The following SLIT3 variants were observed in gnomAD, a reference collection of about 807,000 sequenced individuals.
SLIT3 encodes slit homolog 3 protein.
SLIT3 carries 68 observed loss-of-function variants against 184.0 expected under a neutral mutation model. The observed-to-expected ratio is 0.37, with a 90% CI of 0.30 to 0.45. SLIT3 has a LOEUF of 0.45. Ranked by LOEUF, SLIT3 falls within the 20% of genes least tolerant of loss-of-function variation. The probability of loss-of-function intolerance (pLI) is 1.00; values close to 1 mark genes in which losing one functional copy is unlikely to be tolerated. For synonymous variants in SLIT3, 831 were observed against 828.6 expected (o/e 1.00, Z -0.05); for missense variants, 1,707 against 2,026.0 (o/e 0.84, Z 3.02).
At chr5:168,761,212 C>T (rs1755134147) in intron 15 of SLIT3, among the ~76,000 whole-genome samples, 1 of 152,112 alleles carries the variant, frequency 6.6e-6, no homozygotes, top group African/African-American at 2.4e-5. Flanking sequence ...TTTTCAGCAC[C>T]CATCAATTAC....
intron 3 of SLIT3, among the ~76,000 whole-genome samples, chr5:169,205,951 G>T (rs1764053367): frequency 6.6e-6 from 1 of 152,222 alleles, no homozygotes. Context: ...AGCAGAGGCA[G>T]CTTCAGAACA....
intron 5 of SLIT3, among the ~76,000 whole-genome samples, chr5:168,858,717 G>A (rs1318897450): frequency 6.6e-6 from 1 of 152,182 alleles, no homozygotes; most frequent in Admixed American, 6.5e-5. Flanking sequence ...ACTTCCTTAA[G>A]CTCCCTCATT....
chr5:168,763,171 T>C (rs57225225), intron 14 of SLIT3, among the ~76,000 whole-genome samples: 57,727 of 151,572 alleles, frequency 0.38, 11,128 homozygotes, highest in East Asian at 0.55. Flanking sequence ...TAGGGGTAAA[T>C]TATGGGAAGG....
chr5:169,039,149 G>A (rs1480297384), intron 4 of SLIT3, among the ~76,000 whole-genome samples: 1 of 151,978 alleles, frequency 6.6e-6, no homozygotes, highest in African/African-American at 2.4e-5. Context: ...CCCAGTTTGA[G>A]GATGGTGTTG....
intron 5 of SLIT3, among the ~76,000 whole-genome samples, chr5:168,861,918 G>A (rs1759124270): frequency 6.6e-6 from 1 of 152,170 alleles, no homozygotes; most frequent in Non-Finnish European, 1.5e-5. Context: ...TTGGTGTGCA[G>A]GGCAATGATG....
intron 4 of SLIT3, among the ~76,000 whole-genome samples, chr5:169,162,677 AC>A (rs1384831801): frequency 2.0e-5 from 3 of 152,116 alleles, no homozygotes; most frequent in Non-Finnish European, 4.4e-5. Flanking sequence ...ACCATTCCTG[AC>A]CCCGATTGTT....
chr5:169,226,965 A>G (rs1211866411), intron 3 of SLIT3, among the ~76,000 whole-genome samples: 1 of 152,152 alleles, frequency 6.6e-6, no homozygotes, highest in Non-Finnish European at 1.5e-5. Context: ...TGCATACTTC[A>G]CACCCCTCGG....
At chr5:169,180,155 G>A (rs1241343274) in intron 4 of SLIT3, among the ~76,000 whole-genome samples, 1 of 152,140 alleles carries the variant, frequency 6.6e-6, no homozygotes, top group Non-Finnish European at 1.5e-5. Context: ...GCTGAGCCAG[G>A]ACTTGAATTT....
At chr5:169,160,089 T>C (rs1005703923) in intron 4 of SLIT3, among the ~76,000 whole-genome samples, 1 of 152,244 alleles carries the variant, frequency 6.6e-6, no homozygotes, top group Non-Finnish European at 1.5e-5. Flanking sequence ...AACAAATCTC[T>C]ACCTTGTTTA....
At chr5:169,009,775 C>T (rs190797503) in intron 4 of SLIT3, among the ~76,000 whole-genome samples, 138 of 152,172 alleles carry the variant, frequency 9.1e-4, no homozygotes, top group Non-Finnish European at 1.2e-3. Context: ...AAATGTAGGG[C>T]GGGAAAGGAC....
intron 4 of SLIT3, among the ~76,000 whole-genome samples, chr5:169,102,605 G>A (rs1760061574): frequency 1.3e-5 from 2 of 152,110 alleles, no homozygotes; most frequent in African/African-American, 4.8e-5. Context: ...CTTTTGATCT[G>A]CAGTTGGTTG....
Position 169,093,528 on chromosome 5 carries a change from C to T in SLIT3, c.413+99951G>A, listed in dbSNP as rs532690151. 3.3e-5 allele frequency among the ~76,000 whole-genome samples: 5 copies of T among 152,244 alleles called. 1 individual carries two copies. In the East Asian group the frequency reaches 9.6e-4, roughly 29 times the overall value. ...CCCAGGTCTGGCTTGTGCTGAGGGT[C>T]GAGTTGATCATTCCTGAAAATGTTC... On this transcript the variant is annotated intron_variant, in intron 4 of 35. Transcript: ENST00000519560.
Position 169,299,949 on chromosome 5 carries a change from C to A in SLIT3, c.197+564G>T, listed in dbSNP as rs547136546. Among the ~76,000 whole-genome samples, 11 of 152,296 alleles carry A rather than the reference C, an allele frequency of 7.2e-5. No homozygotes were observed. In the South Asian group the frequency reaches 2.3e-3, roughly 32 times the overall value. On this transcript the variant is annotated intron_variant, in intron 1 of 35. Transcript: ENST00000519560. The stretch of plus-strand genomic sequence containing the variant: ...CTCCCAGACTGCGCTCCAGGCAGAG[C>A]GGGTTTTGCGAGCACCCACTCTGAA...
intron 1 of SLIT3, among the ~76,000 whole-genome samples, chr5:169,283,981 A>AC (rs1354408764): frequency 5.3e-4 from 81 of 152,314 alleles, no homozygotes; most frequent in African/African-American, 1.9e-3. Flanking sequence ...GGTCCCAGGA[A>AC]CTACCCGGGA....
chr5:168,801,133 C>G (rs942078264), intron 9 of SLIT3, among the ~76,000 whole-genome samples: 21 of 151,874 alleles, frequency 1.4e-4, no homozygotes, highest in African/African-American at 5.1e-4. Flanking sequence ...TTCCCAGTCA[C>G]TCTGTCTGAT....
intron 4 of SLIT3, among the ~76,000 whole-genome samples, chr5:169,076,540 C>CT (rs1347962303): frequency 6.6e-6 from 1 of 152,070 alleles, no homozygotes; most frequent in African/African-American, 2.4e-5. Flanking sequence ...GCTAAAACTT[C>CT]TTTTTATAGA....
intron 2 of SLIT3, among the ~76,000 whole-genome samples, chr5:169,250,257 T>C (rs1299828261): frequency 6.6e-6 from 1 of 152,192 alleles, no homozygotes; most frequent in African/African-American, 2.4e-5. Context: ...GAAAGTATCA[T>C]ATCCATCATC....
chr5:169,110,498 A>C (rs187469163), intron 4 of SLIT3, among the ~76,000 whole-genome samples: 3 of 152,164 alleles, frequency 2.0e-5, no homozygotes, highest in Admixed American at 2.0e-4. Flanking sequence ...TGTCTTGTAG[A>C]AGGCATTCTC....
At chr5:168,852,312 C>A (rs1339682139) in intron 5 of SLIT3, among the ~76,000 whole-genome samples, 2 of 152,226 alleles carry the variant, frequency 1.3e-5, no homozygotes, top group African/African-American at 4.8e-5. Flanking sequence ...TCACCCAGCA[C>A]AAACTGTAGT....
Sources: allele counts gnomAD v4.1 joint callset (sites outside exome capture counted in the v4.1 genomes callset), GRCh38; gene constraint gnomAD v4.1.1; transcripts MANE v1.5; gene names NCBI Gene and HGNC (gene_info 2026-07-23, HGNC 2026-07-21).